The following NTRK3 variants were observed in gnomAD, a reference collection of about 807,000 sequenced individuals.
NTRK3 encodes NT-3 growth factor receptor.
In NTRK3, 24 loss-of-function variants were observed where a neutral mutation model predicts 91.7. That is an observed-to-expected ratio of 0.26 (90% confidence interval 0.19 to 0.37). The LOEUF (loss-of-function observed/expected upper bound fraction) is 0.37, where lower values mean the gene tolerates loss of function less well. Among genes scored for constraint, NTRK3 ranks in the 10% least tolerant of loss-of-function variants. The pLI is 1.00. For synonymous variants in NTRK3, 483 were observed against 404.0 expected (o/e 1.20, Z -2.34); for missense variants, 880 against 1,068.9 (o/e 0.82, Z 2.46).
exon 18 of NTRK3, chr15:87,880,312 G>A (rs2141466866): frequency 6.2e-7 from 1 of 1,614,074 alleles, no homozygotes; most frequent in South Asian, 1.1e-5. Context: ...TTCCATAGGT[G>A]AAGATCTCCC....
chr15:88,140,026 G>A (rs1037296393), intron 6 of NTRK3, among the ~76,000 whole-genome samples: 1 of 152,196 alleles, frequency 6.6e-6, no homozygotes, highest in African/African-American at 2.4e-5. Flanking sequence ...TAGCAGGACA[G>A]AAAATGTGTC....
intron 14 of NTRK3, among the ~76,000 whole-genome samples, chr15:87,942,055 T>A (rs565783610): frequency 6.6e-6 from 1 of 152,240 alleles, no homozygotes; most frequent in Non-Finnish European, 1.5e-5. Context: ...CAGAGGGGCA[T>A]GGCTGGAAGC....
chr15:88,091,117 A>C (rs1295519915), intron 13 of NTRK3, among the ~76,000 whole-genome samples: 1 of 152,200 alleles, frequency 6.6e-6, no homozygotes, highest in Non-Finnish European at 1.5e-5. Flanking sequence ...CTGCCCTCTG[A>C]AAGAGGAGCC....
intron 17 of NTRK3, among the ~76,000 whole-genome samples, chr15:87,889,396 C>CTTTT (rs568030482): frequency 2.0e-3 from 195 of 95,606 alleles, no homozygotes; most frequent in African/African-American, 5.3e-3. Flanking sequence ...TTATTAGTTC[C>CTTTT]TTTTTTTTTT....
intron 3 of NTRK3, among the ~76,000 whole-genome samples, chr15:88,226,871 C>G (rs1022654661): frequency 3.3e-5 from 5 of 152,230 alleles, no homozygotes; most frequent in Non-Finnish European, 7.3e-5. Context: ...GTGATAGCCC[C>G]ATTTTACAGA....
At chr15:88,107,001 T>C (rs867286596) in intron 13 of NTRK3, among the ~76,000 whole-genome samples, 2 of 152,084 alleles carry the variant, frequency 1.3e-5, no homozygotes, top group South Asian at 4.2e-4. Context: ...TACATAGATA[T>C]ATGTGCATAT....
chr15:88,163,370 A>C (rs1448467493), intron 5 of NTRK3, among the ~76,000 whole-genome samples: 3 of 152,218 alleles, frequency 2.0e-5, no homozygotes, highest in Admixed American at 6.5e-5. Flanking sequence ...GCAAATTCTT[A>C]ATCATCTTCC....
chr15:88,178,179 G>A (rs71403930), intron 5 of NTRK3, among the ~76,000 whole-genome samples: 50 of 152,338 alleles, frequency 3.3e-4, no homozygotes, highest in South Asian at 8.3e-4. Flanking sequence ...TCTCAGTGCA[G>A]AGGTAAGGGG....
intron 14 of NTRK3, among the ~76,000 whole-genome samples, chr15:87,969,988 A>G (rs1186128061): frequency 2.0e-5 from 3 of 152,214 alleles, no homozygotes; most frequent in African/African-American, 2.4e-5. Flanking sequence ...GAGAAGGACC[A>G]GGAACCAAGA....
chr15:88,037,832 T>C (rs951248386), intron 13 of NTRK3, among the ~76,000 whole-genome samples: 2 of 152,248 alleles, frequency 1.3e-5, no homozygotes, highest in African/African-American at 4.8e-5. Flanking sequence ...GAGTTAATCT[T>C]ATAATGCCTC....
chr15:88,146,878 C>T (rs1483546926), intron 6 of NTRK3, among the ~76,000 whole-genome samples: 4 of 152,088 alleles, frequency 2.6e-5, no homozygotes, highest in Admixed American at 6.6e-5. Flanking sequence ...TTGAGTCTCA[C>T]GTGTCTTTCT....
chr15:88,242,449 T>C lies in NTRK3; in HGVS notation c.248+13457A>G, dbSNP rs547914278. Among the ~76,000 whole-genome samples the C allele has an allele frequency of 2.0e-5, 3 of 152,348 alleles. No homozygotes were observed. In the South Asian group the frequency reaches 6.2e-4, roughly 32 times the overall value. On this transcript the variant is annotated intron_variant, in intron 3 of 18. Coordinates refer to ENST00000394480, the Ensembl canonical transcript of NTRK3. ...CTTAGGGAAGCCACATTTTCATATA[T>C]ATAAATTTTTCTTTAAACTTTACAT...
At chr15:87,937,573 A>G (rs28436948) in intron 15 of NTRK3, among the ~76,000 whole-genome samples, 6,037 of 152,196 alleles carry the variant, frequency 0.04, 414 homozygotes, top group African/African-American at 0.14. Flanking sequence ...AAGGAACCCA[A>G]AAGCTGCCCA....
At chr15:88,125,594 A>G (rs991973744) in intron 13 of NTRK3, among the ~76,000 whole-genome samples, 1 of 150,908 alleles carries the variant, frequency 6.6e-6, no homozygotes, top group African/African-American at 2.4e-5. Flanking sequence ...GGTCACATCC[A>G]TCTCTGAGAC....
chr15:88,159,690 C>A (rs1375855285), intron 5 of NTRK3, among the ~76,000 whole-genome samples: 1 of 152,054 alleles, frequency 6.6e-6, no homozygotes, highest in Non-Finnish European at 1.5e-5. Flanking sequence ...TGTCAGGGAG[C>A]CGAGGGATGC....
At chr15:87,917,690 TAGTA>T (rs1376623942) in intron 17 of NTRK3, among the ~76,000 whole-genome samples, 7 of 152,270 alleles carry the variant, frequency 4.6e-5, no homozygotes, top group Admixed American at 6.5e-5. Flanking sequence ...ATTCTCCAGG[TAGTA>T]AGTGAGTTAT....
intron 16 of NTRK3, among the ~76,000 whole-genome samples, 160 bp downstream of exon 16, chr15:87,932,852 G>A (rs1159997834): frequency 6.6e-6 from 1 of 152,162 alleles, no homozygotes; most frequent in Non-Finnish European, 1.5e-5. Context: ...CCTGAATCTG[G>A]CTGCTAAGGA....
intron 17 of NTRK3, among the ~76,000 whole-genome samples, chr15:87,889,396 C>T (rs1377306214): frequency 2.1e-5 from 2 of 95,632 alleles, no homozygotes; most frequent in African/African-American, 4.9e-5. Context: ...TTATTAGTTC[C>T]TTTTTTTTTT....
chr15:88,069,315 GATT>G (rs2046916918), intron 13 of NTRK3, among the ~76,000 whole-genome samples: 1 of 152,188 alleles, frequency 6.6e-6, no homozygotes, highest in Admixed American at 6.5e-5. Flanking sequence ...AAAGACCTAT[GATT>G]ATTATTTCAA....
Sources: gnomAD v4.1 joint callset for allele counts (sites outside exome capture counted in the v4.1 genomes callset) on GRCh38, gnomAD v4.1.1 for gene constraint, MANE v1.5 for transcripts, NCBI Gene and HGNC (gene_info 2026-07-23, HGNC 2026-07-21) for gene names.